The following CR1 variants were observed in gnomAD, a reference collection of about 807,000 sequenced individuals.
CR1 encodes the protein complement C3b/C4b receptor 1 (Knops blood group).
Under a neutral mutation model 187.3 loss-of-function variants are expected in CR1, and 116 were observed. That is an observed-to-expected ratio of 0.62 (90% confidence interval 0.53 to 0.72). CR1 has a LOEUF of 0.72. Among genes scored for constraint, CR1 ranks in the 30% least tolerant of loss-of-function variants. The pLI, the probability that CR1 is intolerant of heterozygous loss-of-function variation, is 0.00. For missense variants in CR1, 1,731 were observed against 2,110.7 expected (o/e 0.82, Z 3.52); for synonymous variants, 576 against 747.1 (o/e 0.77, Z 3.73).
At chr1:207,506,934 T>G in intron 3 of CR1, 121 bp downstream of exon 3, 2 of 743,074 alleles carry the variant, frequency 2.7e-6, no homozygotes, top group South Asian at 2.0e-5. Context: ...TTTAACGGCT[T>G]CAACACAGAT....
chr1:207,576,637 G>A (rs1421941168), intron 28 of CR1, among the ~76,000 whole-genome samples: 1 of 152,068 alleles, frequency 6.6e-6, no homozygotes, highest in Non-Finnish European at 1.5e-5. Context: ...GTACAACATG[G>A]TGAAATCATG....
chr1:207,520,669 C>A (rs547276341), intron 4 of CR1, among the ~76,000 whole-genome samples: 3 of 152,156 alleles, frequency 2.0e-5, no homozygotes, highest in Non-Finnish European at 2.9e-5. Flanking sequence ...AAAACATACC[C>A]GCATATGAGC....
intron 19 of CR1, among the ~76,000 whole-genome samples, chr1:207,556,613 G>T (rs1249311428): frequency 4.1e-5 from 1 of 24,310 alleles, no homozygotes; most frequent in Non-Finnish European, 8.8e-5. Context: ...TATTCAGTGT[G>T]TTTATATATT....
intron 37 of CR1, 128 bp from the exon 38 acceptor site, chr1:207,611,549 A>G (rs893793567): frequency 7.3e-7 from 1 of 1,362,642 alleles, no homozygotes; most frequent in Non-Finnish European, 1.0e-6. Flanking sequence ...TGGCTACTGA[A>G]CTACCAATCT....
chr1:207,524,715 T>C (rs1660115118), intron 5 of CR1, among the ~76,000 whole-genome samples: 1 of 151,844 alleles, frequency 6.6e-6, no homozygotes, highest in Non-Finnish European at 1.5e-5. Flanking sequence ...ATATGTGCCT[T>C]AGACACATCA....
rs1341584715 is a variant in CR1, at chr1:207,630,638, T to C, written c.7457+17T>C. 21 of 1,507,672 alleles carry C rather than the reference T, an allele frequency of 1.4e-5. No individual in the cohort carries two copies. Among genetic ancestry groups the C allele is most frequent in the Non-Finnish European group, 1.9e-5 (21 of 1,118,044 alleles). 93.4% of individuals were successfully genotyped at this position (1,507,672 alleles called of 1,614,324 possible). On this transcript the variant is annotated intron_variant, in intron 46 of 46. Coordinates refer to ENST00000367049, the MANE Select transcript of CR1 (RefSeq NM_000651.6). The stretch of plus-strand genomic sequence containing the variant: ...AAATAGCAGGTACCTATATACATAC[T>C]GAATTCAAAATGTTTTCAACAACTC...
intron 23 of CR1, 66 bp from the exon 24 acceptor site, chr1:207,565,772 T>C (rs1334266610): frequency 1.2e-6 from 2 of 1,601,606 alleles, no homozygotes; most frequent in Non-Finnish European, 8.5e-7. Context: ...GGCTGGGCCT[T>C]AGATTGTGAA....
At chr1:207,499,689 G>C (rs1659205996) in intron 1 of CR1, among the ~76,000 whole-genome samples, 1 of 152,162 alleles carries the variant, frequency 6.6e-6, no homozygotes, top group Non-Finnish European at 1.5e-5. Context: ...GGACTCTGGC[G>C]CCCTCACGTG....
intron 33 of CR1, among the ~76,000 whole-genome samples, chr1:207,586,962 G>C (rs1454365839): frequency 6.6e-6 from 1 of 152,186 alleles, no homozygotes; most frequent in Non-Finnish European, 1.5e-5. Context: ...TGCTATGAAA[G>C]GCCAGAGAGG....
In CR1 at chr1:207,630,537, C is replaced by T; in HGVS notation, c.7373C>T (p.Pro2458Leu). The change falls in exon 46 of 47, where the codon CCT (proline) becomes CTT (leucine). Residue 2458 changes from proline to leucine, a missense_variant. Physicochemically the swap from Pro to Leu is moderately conservative, Grantham distance 98 (BLOSUM62 -3). Transcript: ENST00000367049. ...ATTAGCAATAATGCACATGAAAACC[C>T]TAAAGAAGTGGCTATCCATTTACAT... ...HRKGNNAHEN[P>L]KEVAIHLHSQ... 6.2e-7 allele frequency: 1 copy of T among 1,608,348 alleles called. No individual in the cohort carries two copies. Among genetic ancestry groups the T allele is most frequent in the Non-Finnish European group, 8.5e-7 (1 of 1,177,704 alleles).
intron 1 of CR1, among the ~76,000 whole-genome samples, chr1:207,500,181 G>A (rs1391904341): frequency 3.3e-5 from 5 of 152,180 alleles, no homozygotes; most frequent in Non-Finnish European, 5.9e-5. Flanking sequence ...TTAGATGTTA[G>A]CTAATGATTG....
chr1:207,616,107 G>A (rs1662086686), intron 40 of CR1, among the ~76,000 whole-genome samples: 1 of 152,078 alleles, frequency 6.6e-6, no homozygotes, highest in Non-Finnish European at 1.5e-5. Context: ...TGGTCCTGAT[G>A]GTAATGGTCT....
intron 35 of CR1, among the ~76,000 whole-genome samples, chr1:207,589,045 A>G (rs745373854): frequency 6.6e-6 from 1 of 152,230 alleles, no homozygotes; most frequent in Non-Finnish European, 1.5e-5. Context: ...CATTCATTGG[A>G]TGAAAAGGAG....
chr1:207,512,958 T>C (rs2986989), intron 4 of CR1, among the ~76,000 whole-genome samples: 30 of 152,184 alleles, frequency 2.0e-4, no homozygotes, highest in African/African-American at 3.1e-4. Flanking sequence ...ATGCTTTTGA[T>C]TGTGTAGCAT....
chr1:207,620,484 G>A (rs1662283769), intron 43 of CR1, among the ~76,000 whole-genome samples: 1 of 152,182 alleles, frequency 6.6e-6, no homozygotes, highest in Admixed American at 6.5e-5. Flanking sequence ...ACGTATCATT[G>A]AGCTCTGTAG....
chr1:207,604,581 C>A (rs1661693457), intron 35 of CR1, among the ~76,000 whole-genome samples: 1 of 152,128 alleles, frequency 6.6e-6, no homozygotes, highest in South Asian at 2.1e-4. Context: ...CTTGAAATGC[C>A]ATCTTTATCA....
chr1:207,586,570 G>A (rs182779246), intron 33 of CR1, among the ~76,000 whole-genome samples: 1 of 152,338 alleles, frequency 6.6e-6, no homozygotes, highest in Admixed American at 6.5e-5. Context: ...TCACAGTTTT[G>A]TAGGCTGAAA....
At chr1:207,623,804 TTATGGCACACATATCA>T (rs1432485956) in intron 45 of CR1, among the ~76,000 whole-genome samples, 2 of 152,068 alleles carry the variant, frequency 1.3e-5, no homozygotes, top group Admixed American at 6.6e-5. Context: ...ATTGGGTCAC[TTATGGCACACATATCA>T]TATGGCACAC....
Position 207,618,349 on chromosome 1 carries a change from T to C in CR1, c.7066+102T>C, listed in dbSNP as rs1662210982. The C allele has an allele frequency of 1.8e-6, 2 of 1,091,864 alleles. 1 individual carries two copies. The highest frequency in any genetic ancestry group is 3.7e-5 in the South Asian group (2 of 54,074). 67.6% of individuals were successfully genotyped at this position (1,091,864 alleles called of 1,614,324 possible). ...GAAATGAGCTTAATGAAAGGGATAATATTTTTTTCTTCTCGGCAACTGCTT... is the reference window on the plus strand; with the variant it reads ...GAAATGAGCTTAATGAAAGGGATAACATTTTTTTCTTCTCGGCAACTGCTT... On this transcript the variant is annotated intron_variant, in intron 42 of 46. Coordinates refer to ENST00000367049, the MANE Select transcript of CR1 (RefSeq NM_000651.6).
Sources: gnomAD v4.1 joint callset for allele counts (sites outside exome capture counted in the v4.1 genomes callset) on GRCh38, gnomAD v4.1.1 for gene constraint, MANE v1.5 for transcripts, NCBI Gene and HGNC (gene_info 2026-07-23, HGNC 2026-07-21) for gene names.